The following GRIN2C variants were observed in gnomAD, a reference collection of about 807,000 sequenced individuals.
GRIN2C encodes glutamate ionotropic receptor NMDA type subunit 2C, also known as glutamate receptor ionotropic, NMDA 2C.
In GRIN2C, 64 loss-of-function variants were observed where a neutral mutation model predicts 77.7. The observed-to-expected ratio is 0.82, with a 90% confidence interval of 0.67 to 1.01. The LOEUF (loss-of-function observed/expected upper bound fraction) is 1.01, where lower values mean the gene tolerates loss of function less well. GRIN2C is among the 50% of genes least tolerant of loss of function. The pLI is 0.00. For synonymous variants in GRIN2C, 792 were observed against 643.4 expected (o/e 1.23, Z -3.49); for missense variants, 1,549 against 1,486.0 (o/e 1.04, Z -0.70).
chr17:74,855,265 C>A (rs1168949309), intron 1 of GRIN2C, among the ~76,000 whole-genome samples, 158 bp from the exon 2 acceptor site: 1 of 152,166 alleles, frequency 6.6e-6, no homozygotes, highest in East Asian at 1.9e-4. Flanking sequence ...GGGAGACAGA[C>A]AGACACGGAC....
chr17:74,852,519 G>A lies in GRIN2C; in HGVS notation c.492C>T (p.Ala164=). Residue 164 remains alanine, a synonymous_variant, in exon 3 of 13, where the codon GCC becomes GCT. Transcript: ENST00000293190. ...GGTGCAGGCTGGTGATGACGGCGAA[G>A]GCGCTCCAGTCGTACTCTTCCAGCA... ...FKVLEEYDWS[A]FAVITSLHPG... The A allele has an allele frequency of 3.2e-6, 5 of 1,568,496 alleles. No individual in the cohort carries two copies. Among genetic ancestry groups the A allele is most frequent in the East Asian group, 2.5e-5 (1 of 40,240 alleles).
chr17:74,855,913 C>T (rs1308617430), intron 1 of GRIN2C, among the ~76,000 whole-genome samples: 4 of 152,258 alleles, frequency 2.6e-5, no homozygotes, highest in African/African-American at 9.6e-5. Flanking sequence ...AGCTCTTCCG[C>T]AGCAGGGTGC....
At position 74,851,596 on chromosome 17, in the gene GRIN2C, C is replaced by G. The variant is rs780241532; in HGVS notation, c.1094G>C (p.Arg365Pro). Residue 365 changes from arginine to proline, a missense_variant, in exon 4 of 13, where the codon CGG becomes CCG. Coordinates refer to ENST00000293190, the MANE Select transcript of GRIN2C (RefSeq NM_000835.6). ...QPTMVVIALNRHRLWEMVGRW... is the reference protein window; with the variant it reads ...QPTMVVIALNPHRLWEMVGRW... ...TCTCACCATCTCCCAGAGGCGGTGC[C>G]GGTTGAGGGCGATCACCACCATGGT... 2 of 1,558,924 alleles carry G rather than the reference C, an allele frequency of 1.3e-6. No homozygotes were observed. The highest frequency in any genetic ancestry group is 8.7e-7 in the Non-Finnish European group (1 of 1,149,662).
chr17:74,860,183 G>A (rs1454557352), upstream of GRIN2C, among the ~76,000 whole-genome samples: 6 of 152,182 alleles, frequency 3.9e-5, no homozygotes, highest in Admixed American at 3.9e-4. Context: ...CTTATTCTTC[G>A]GGAGTTTAGA....
chr17:74,844,246 T>C (rs2037388638), intron 12 of GRIN2C, 30 bp downstream of exon 12: 2 of 1,611,326 alleles, frequency 1.2e-6, no homozygotes, highest in Middle Eastern at 1.7e-4. Flanking sequence ...CTTAAAACTT[T>C]GGCCTGTGTG....
In GRIN2C at chr17:74,847,038, T is replaced by C. The variant is rs2037479466; in HGVS notation, c.2002-118A>G. ...GGACTTGCATAGTCAGAGCAGAAGG[T>C]CTTAAAGGCTGTCCAGGCCACTCCT... On this transcript the variant is annotated intron_variant, in intron 9 of 12. Coordinates refer to ENST00000293190, the MANE Select transcript of GRIN2C (RefSeq NM_000835.6). The surrounding 1 kb of genome is among the most constrained non-coding windows in gnomAD (Gnocchi z 5.2). 1 of 1,088,046 alleles carries C rather than the reference T, an allele frequency of 9.2e-7. No individual in the cohort carries two copies. The highest frequency in any genetic ancestry group is 1.6e-5 in the African/African-American group (1 of 63,408). The allele number at this position is 1,088,046 out of a possible 1,614,324, so 67.4% of individuals were successfully genotyped here.
Position 74,847,677 on chromosome 17 carries a change from G to A in GRIN2C, c.1772-140C>T, listed in dbSNP as rs2037505519. The stretch of plus-strand genomic sequence containing the variant: ...CGTCCTGGCCATTCCCTCGCCAGGT[G>A]AAGTGAGCTCACGTGTGTGTTTCTG... On this transcript the variant is annotated intron_variant, in intron 8 of 12. Transcript: ENST00000293190. This position sits in a 1 kb window ranked among gnomAD's most constrained non-coding sequence, Gnocchi z 5.2. The A allele has an allele frequency of 2.3e-6, 2 of 862,310 alleles. No individual in the cohort carries two copies. Among genetic ancestry groups the A allele is most frequent in the Non-Finnish European group, 3.6e-6 (2 of 547,972 alleles). The allele number at this position is 862,310 out of a possible 1,614,324, so 53.4% of individuals were successfully genotyped here.
At chr17:74,845,261 ATTTTTTTT>A (rs34846249) in intron 11 of GRIN2C, among the ~76,000 whole-genome samples, 95 of 97,650 alleles carry the variant, frequency 9.7e-4, no homozygotes, top group Non-Finnish European at 1.8e-3. Flanking sequence ...GAGAAATCAG[ATTTTTTTT>A]TTTTTTTTTT....
rs763777881 is a variant in GRIN2C at position 74,854,698 on chromosome 17, G to T, written c.395C>A (p.Pro132His). ...GACATGAGTTTGGACATGCACCTTG[G>T]GGGTGAGGACCACAGCAGAGCCTCC... ...ISGGSAVVLT[P>H]KEPGSAFLQL... Residue 132 changes from proline to histidine, a missense_variant, in exon 2 of 13, where the codon CCC becomes CAC. Coordinates refer to ENST00000293190, the MANE Select transcript of GRIN2C (RefSeq NM_000835.6). The T allele has an allele frequency of 8.7e-6, 14 of 1,605,214 alleles. No homozygotes were observed. The South Asian group carries it at 8.8e-5, about 10-fold the overall frequency.
chr17:74,851,004 G>T (rs1210455339), intron 4 of GRIN2C: 1 of 581,908 alleles, frequency 1.7e-6, no homozygotes, highest in East Asian at 2.8e-5. Flanking sequence ...CACTGTACTG[G>T]TCCCCCCTGA....
At chr17:74,859,925 G>C (rs2037913005), upstream of GRIN2C, 1 of 163,446 alleles carries the variant, frequency 6.1e-6, no homozygotes, top group Non-Finnish European at 1.3e-5. This position sits in a 1 kb window ranked among gnomAD's most constrained non-coding sequence, Gnocchi z 5.9. Flanking sequence ...GCGGGGACCC[G>C]CGCCACGCCT....
chr17:74,844,343 A>G lies in GRIN2C; in HGVS notation c.2516T>C (p.Val839Ala), dbSNP rs1301462032. The G allele has an allele frequency of 1.2e-6, 2 of 1,613,878 alleles. No homozygotes were observed. Among genetic ancestry groups the G allele is most frequent in the East Asian group, 4.5e-5 (2 of 44,866 alleles). The stretch of plus-strand genomic sequence containing the variant: ...CACCGAGTGGCGCAGCTTCCAGTAG[A>G]CCAGGTGCTCCCAGGCGAAGACCAG... ...ALLVFAWEHL[V>A]YWKLRHSVPN... The change falls in exon 12 of 13, where the codon GTC becomes GCC. Residue 839 changes from valine (V) to alanine (A), a missense_variant. Val to Ala is a moderately conservative substitution (Grantham distance 64, BLOSUM62 0). Transcript: ENST00000293190.
Position 74,850,812 on chromosome 17 carries a change from C to T in GRIN2C, c.1114-45G>A, listed in dbSNP as rs917137312. 1 of 1,491,024 alleles carries T rather than the reference C, an allele frequency of 6.7e-7. No individual in the cohort carries two copies. The highest frequency in any genetic ancestry group is 9.2e-7 in the Non-Finnish European group (1 of 1,083,766). The allele number at this position is 1,491,024 out of a possible 1,614,324, so 92.4% of individuals were successfully genotyped here. A position where few individuals can be genotyped will look rare whatever the true frequency, so the allele number is the denominator to read the frequency against. On this transcript the variant is annotated intron_variant, in intron 4 of 12. Transcript: ENST00000293190. This position sits in a 1 kb window ranked among gnomAD's most constrained non-coding sequence, Gnocchi z 5.3. ...CAGCCTGGGGCCTCCAGCCCTACAGCCCCCACCCTCTAGGTGGAGCCTGCC... is the reference window on the plus strand; with the variant it reads ...CAGCCTGGGGCCTCCAGCCCTACAGTCCCCACCCTCTAGGTGGAGCCTGCC...
rs1372517374 is a variant in GRIN2C at position 74,859,435 on chromosome 17, CT to C, written c.-16+308del. Among the ~76,000 whole-genome samples the C allele has an allele frequency of 2.6e-4, 40 of 152,106 alleles. No individual in the cohort carries two copies. Among genetic ancestry groups the C allele is most frequent in the African/African-American group, 9.2e-4 (38 of 41,434 alleles). ...CCGCTCACATCTGAGATACCGATGG[CT>C]CTCCCTCTCCCAGGCTAGGAAACTC... On this transcript the variant is annotated intron_variant, in intron 1 of 12. Transcript: ENST00000293190. This position sits in a 1 kb window ranked among gnomAD's most constrained non-coding sequence, Gnocchi z 5.9.
rs199550436 is a variant in GRIN2C at position 74,849,951 on chromosome 17, C to T, written c.1492-18G>A. ...TAGTACACCTGGGGGCCGGACGCCA[C>T]GGAGGTTTGAAAAAGGGGCTCCCGT... On this transcript the variant is annotated intron_variant, in intron 6 of 12. Coordinates refer to ENST00000293190, the MANE Select transcript of GRIN2C (RefSeq NM_000835.6). This position sits in a 1 kb window ranked among gnomAD's most constrained non-coding sequence, Gnocchi z 4.6. 2.7e-4 allele frequency: 432 copies of T among 1,604,340 alleles called. 1 individual carries two copies. The African/African-American group carries it at 3.8e-3, about 14-fold the overall frequency.
At chr17:74,861,432 G>A (rs909407787), upstream of GRIN2C, 1 of 152,106 alleles carries the variant, frequency 6.6e-6, no homozygotes, top group East Asian at 1.9e-4. Context: ...ACTTACCGAG[G>A]GGAAGGGGCG....
intron 11 of GRIN2C, 111 bp downstream of exon 11, chr17:74,845,955 C>T (rs1004439269): frequency 5.0e-6 from 5 of 1,009,638 alleles, no homozygotes; most frequent in African/African-American, 1.6e-5. Flanking sequence ...CTCTCACCCC[C>T]CAGAGACCTC....
rs199742081 is a variant in GRIN2C at position 74,849,954 on chromosome 17, A to G, written c.1492-21T>C. 13 of 1,604,844 alleles carry G rather than the reference A, an allele frequency of 8.1e-6. No individual in the cohort carries two copies. Among genetic ancestry groups the G allele is most frequent in the Non-Finnish European group, 1.0e-5 (12 of 1,176,866 alleles). Reference sequence around the variant, plus strand: ...TACACCTGGGGGCCGGACGCCACGGAGGTTTGAAAAAGGGGCTCCCGTGGG... The same window carrying G: ...TACACCTGGGGGCCGGACGCCACGGGGGTTTGAAAAAGGGGCTCCCGTGGG... On this transcript the variant is annotated intron_variant, in intron 6 of 12. Transcript: ENST00000293190. The surrounding 1 kb of genome is among the most constrained non-coding windows in gnomAD (Gnocchi z 4.6).
At chr17:74,845,975 A>G in intron 11 of GRIN2C, 91 bp downstream of exon 11, 3 of 1,217,258 alleles carry the variant, frequency 2.5e-6, no homozygotes, top group Non-Finnish European at 3.6e-6. Flanking sequence ...CTCCCTGCTC[A>G]CAGGCCTTGG....
Sources: allele counts gnomAD v4.1 joint callset (sites outside exome capture counted in the v4.1 genomes callset), GRCh38; gene constraint gnomAD v4.1.1; non-coding constraint Gnocchi (gnomAD v3.1); transcripts MANE v1.5; gene names NCBI Gene and HGNC (gene_info 2026-07-23, HGNC 2026-07-21).